ATP13A2: variants seen among roughly 807,000 people sequenced by gnomAD.
ATP13A2 encodes ATPase cation transporting 13A2.
In ATP13A2, 83 loss-of-function variants were observed where a neutral mutation model predicts 138.3. That is an observed-to-expected ratio of 0.60 (90% confidence interval 0.50 to 0.72). The LOEUF (loss-of-function observed/expected upper bound fraction) is 0.72, where lower values mean the gene tolerates loss of function less well. Among genes scored for constraint, ATP13A2 ranks in the 30% least tolerant of loss-of-function variants. The probability of loss-of-function intolerance (pLI) is 0.00; values close to 1 mark genes in which losing one functional copy is unlikely to be tolerated. For synonymous variants in ATP13A2, 663 were observed against 699.0 expected (o/e 0.95, Z 0.81); for missense variants, 1,402 against 1,606.4 (o/e 0.87, Z 2.17).
At position 16,990,236 on chromosome 1, in the gene ATP13A2, G is replaced by T. The variant is rs754083353; in HGVS notation, c.2303C>A (p.Ala768Asp). The change falls in exon 21 of 29, where the codon GCC becomes GAC. Residue 768 changes from alanine (A) to aspartate (D), a missense_variant. Ala to Asp is a moderately radical substitution (Grantham distance 126). Coordinates refer to ENST00000326735, the MANE Select transcript of ATP13A2 (RefSeq NM_022089.4). ...GACGATGATCAGATGCTCCTGGGGG[G>T]CCACCATGCCACAGCCCCGGGCCAC... ...VTVARGCGMV[A>D]PQEHLIIVHA... The T allele has an allele frequency of 3.7e-6, 6 of 1,613,882 alleles. No homozygotes were observed. The African/African-American group carries it at 5.3e-5, about 14-fold the overall frequency.
chr1:16,993,927 T>C (rs1266607468), intron 15 of ATP13A2, 92 bp from the exon 16 acceptor site: 4 of 1,115,850 alleles, frequency 3.6e-6, no homozygotes, highest in African/African-American at 3.2e-5. Context: ...CGGCGGACCC[T>C]ATGGGAACCC....
intron 11 of ATP13A2, among the ~76,000 whole-genome samples, chr1:16,999,353 CG>C (rs372923290): frequency 7.9e-6 from 1 of 126,236 alleles, no homozygotes; most frequent in African/African-American, 3.1e-5. Context: ...GTACTCCAGC[CG>C]GGGCAACAAG....
Position 17,011,785 on chromosome 1 carries a change from C to T in ATP13A2, c.-47G>A. On this transcript the variant is annotated 5_prime_UTR_variant, in exon 1 of 29. Transcript: ENST00000326735. This position sits in a 1 kb window ranked among gnomAD's most constrained non-coding sequence, Gnocchi z 7.3. ...CCGGCCCCGGCGCTGCGGCCCTCGG[C>T]CTGGGCCCCGGCGTGCGCAAGGCCC... is the stretch of plus-strand genomic sequence containing the variant. 1 of 1,384,462 alleles carries T rather than the reference C, an allele frequency of 7.2e-7. No homozygotes were observed. Among genetic ancestry groups the T allele is most frequent in the Non-Finnish European group, 9.4e-7 (1 of 1,067,388 alleles). 85.8% of individuals were successfully genotyped at this position (1,384,462 alleles called of 1,614,324 possible).
Position 17,005,548 on chromosome 1 carries a change from G to A in ATP13A2, c.114C>T (p.Ser38=), listed in dbSNP as rs368279466. The change falls in exon 3 of 29, where the codon AGC becomes AGT. Residue 38 remains serine (S), a synonymous_variant. Transcript: ENST00000326735. The part of the protein sequence containing the change: ...LSSSVSSVRL[S]GYCGSPWRVI... ...CCCTCCATGGACTGCCACAGTAGCC[G>A]CTGAGCCTCTGCGAACGCAGCGAGA... The A allele has an allele frequency of 1.6e-4, 255 of 1,614,232 alleles. 3 individuals are homozygous for A. The South Asian group carries it at 2.3e-3, about 15-fold the overall frequency.
Position 17,000,057 on chromosome 1 carries a change from G to A in ATP13A2, c.993C>T (p.Ala331=), listed in dbSNP as rs568367953. 1.5e-5 allele frequency: 25 copies of A among 1,613,044 alleles called. No homozygotes were observed. Among genetic ancestry groups the A allele is most frequent in the Admixed American group, 5.0e-5 (3 of 59,994 alleles). ...CCATGCACTCGCCGGCCACCAGGGCGGCATCACAGGGCATCAGCCCACCCT... is the reference window on the plus strand; with the variant it reads ...CCATGCACTCGCCGGCCACCAGGGCAGCATCACAGGGCATCAGCCCACCCT... ...PQEGGLMPCD[A]ALVAGECMVN... is the part of the protein sequence containing the mutation. The change falls in exon 11 of 29, where the codon GCC becomes GCT. Residue 331 remains alanine (A), a synonymous_variant. Transcript: ENST00000326735.
intron 20 of ATP13A2, 56 bp from the exon 21 acceptor site, chr1:16,990,343 T>G: frequency 6.2e-7 from 1 of 1,604,538 alleles, no homozygotes; most frequent in Non-Finnish European, 8.5e-7. Flanking sequence ...GCCATCCTCA[T>G]CCTGATCCTT....
chr1:17,003,666 CTTTTT>C (rs71006407), intron 6 of ATP13A2, among the ~76,000 whole-genome samples: 2 of 129,810 alleles, frequency 1.5e-5, no homozygotes, highest in Non-Finnish European at 3.2e-5. Flanking sequence ...GTTTCTTTTT[CTTTTT>C]TTTTTTTTTT....
intron 11 of ATP13A2, among the ~76,000 whole-genome samples, chr1:16,999,194 A>G (rs1407269521): frequency 1.3e-5 from 2 of 151,964 alleles, no homozygotes; most frequent in Admixed American, 6.6e-5. Context: ...CAGTCTGACC[A>G]ACGTGGTGAA....
Position 17,005,557 on chromosome 1 carries a change from C to T in ATP13A2, c.106-1G>A, listed in dbSNP as rs1355449222. ...GACTGCCACAGTAGCCGCTGAGCCT[C>T]TGCGAACGCAGCGAGAGAGGGCCCA... On this transcript the variant is annotated splice_acceptor_variant, in intron 2 of 28. Coordinates refer to ENST00000326735, the MANE Select transcript of ATP13A2 (RefSeq NM_022089.4). LOFTEE classifies it high-confidence loss of function. 1 of 1,614,124 alleles carries T rather than the reference C, an allele frequency of 6.2e-7. No homozygotes were observed. Among genetic ancestry groups the T allele is most frequent in the East Asian group, 2.2e-5 (1 of 44,880 alleles).
At chr1:17,000,194 G>GCCCCCCCCCCCCCCCCCCCCCC in intron 10 of ATP13A2, 52 bp from the exon 11 acceptor site, 3 of 1,570,252 alleles carry the variant, frequency 1.9e-6, no homozygotes, top group South Asian at 1.1e-5. Context: ...CCCCAGCCAT[G>GCCCCCCCCCCCCCCCCCCCCCC]CCCCCCCACC....
Position 16,995,692 on chromosome 1 carries a change from T to C in ATP13A2, c.1542+284A>G. On this transcript the variant is annotated intron_variant, in intron 15 of 28. Transcript: ENST00000326735. This position sits in a 1 kb window ranked among gnomAD's most constrained non-coding sequence, Gnocchi z 4.1. Reference sequence around the variant, plus strand: ...AACTCCTGACCTCAAGTGATGTATCTGCCTCAGCCTCCCAAAGTGCTGGGA... The same window carrying C: ...AACTCCTGACCTCAAGTGATGTATCCGCCTCAGCCTCCCAAAGTGCTGGGA... 1 of 489,496 alleles carries C rather than the reference T, an allele frequency of 2.0e-6. No homozygotes were observed. Among genetic ancestry groups the C allele is most frequent in the East Asian group, 4.1e-5 (1 of 24,660 alleles). The allele number at this position is 489,496 out of a possible 1,614,324, so 30.3% of individuals were successfully genotyped here.
chr1:16,996,884 G>T, intron 12 of ATP13A2, 136 bp downstream of exon 12: 1 of 1,142,946 alleles, frequency 8.7e-7, no homozygotes, highest in Non-Finnish European at 1.3e-6. Context: ...GGGGCAACTG[G>T]CCCGAGGTCC....
chr1:17,004,625 G>A lies in ATP13A2; in HGVS notation c.477+67C>T. ...AAGGTGGTGGGAGAACATGAAGTCT[G>A]ACTCTCCCATTGCACAGATCATGAA... is the stretch of plus-strand genomic sequence containing the variant. On this transcript the variant is annotated intron_variant, in intron 5 of 28. Coordinates refer to ENST00000326735, the MANE Select transcript of ATP13A2 (RefSeq NM_022089.4). The surrounding 1 kb of genome is among the most constrained non-coding windows in gnomAD (Gnocchi z 4.1). 1.9e-6 allele frequency: 3 copies of A among 1,612,778 alleles called. No homozygotes were observed. Among genetic ancestry groups the A allele is most frequent in the Non-Finnish European group, 1.7e-6 (2 of 1,179,204 alleles).
Position 16,987,183 on chromosome 1 carries a change from C to A in ATP13A2, c.2946G>T (p.Gly982=). 6.2e-7 allele frequency: 1 copy of A among 1,613,634 alleles called. No individual in the cohort carries two copies. The change falls in exon 26 of 29, where the codon GGG becomes GGT. Residue 982 remains glycine (G), a synonymous_variant. Coordinates refer to ENST00000326735, the MANE Select transcript of ATP13A2 (RefSeq NM_022089.4). ...GCACCCGTCCCAGGACCAGCGCTGGCCCCGTGCGGCTCATGAGCACTGCCA... is the reference window on the plus strand; with the variant it reads ...GCACCCGTCCCAGGACCAGCGCTGGACCCGTGCGGCTCATGAGCACTGCCA... ...TTVAVLMSRT[G]PALVLGRVRP...
intron 13 of ATP13A2, 33 bp downstream of exon 13, chr1:16,996,353 T>A (rs755733526): frequency 6.2e-6 from 10 of 1,613,096 alleles, no homozygotes; most frequent in Non-Finnish European, 7.6e-6. Flanking sequence ...TGGGGGGGGC[T>A]ATGGGCAGAG....
chr1:17,005,763 A>C lies in ATP13A2; in HGVS notation c.26T>G (p.Val9Gly). The change falls in exon 2 of 29, where the codon GTG becomes GGG. Residue 9 changes from valine to glycine, a missense_variant. Val to Gly is a moderately radical substitution (Grantham distance 109, BLOSUM62 -3). Coordinates refer to ENST00000326735, the MANE Select transcript of ATP13A2 (RefSeq NM_022089.4). MSADSSPL[V>G]GSTPTGYGTL... ...CCCATAACCGGTGGGCGTGCTGCCC[A>C]CGAGAGGGCTGCTGTCTGTGGACAG... 6.2e-7 allele frequency: 1 copy of C among 1,611,692 alleles called. No individual in the cohort carries two copies. Among genetic ancestry groups the C allele is most frequent in the Non-Finnish European group, 8.5e-7 (1 of 1,178,970 alleles).
chr1:16,992,171 G>A (rs750504536), intron 18 of ATP13A2, 42 bp from the exon 19 acceptor site: 5 of 1,611,558 alleles, frequency 3.1e-6, no homozygotes, highest in South Asian at 2.2e-5. Flanking sequence ...GGATGGCAGG[G>A]ACAGAGGCTG....
chr1:16,986,833 C>T lies in ATP13A2; in HGVS notation c.3207G>A (p.Ala1069=), dbSNP rs137877665. ...LILAAAVSKG[A]PFRRPLYTNV... ...TGGTGTAGAGCGGCCGGCGGAAGGG[C>T]GCCCCCTTGGACACGGCTGCAGCCA... Residue 1069 remains alanine (A), a synonymous_variant, in exon 27 of 29, where the codon GCG becomes GCA. Coordinates refer to ENST00000326735, the MANE Select transcript of ATP13A2 (RefSeq NM_022089.4). This position sits in a 1 kb window ranked among gnomAD's most constrained non-coding sequence, Gnocchi z 6.9. 96 of 1,613,222 alleles carry T rather than the reference C, an allele frequency of 6.0e-5. No homozygotes were observed. The African/African-American group carries it at 9.9e-4, about 17-fold the overall frequency.
At position 16,995,842 on chromosome 1, in the gene ATP13A2, T is replaced by C. The variant is rs1303688240; in HGVS notation, c.1542+134A>G. 4 of 1,089,906 alleles carry C rather than the reference T, an allele frequency of 3.7e-6. No individual in the cohort carries two copies. Among genetic ancestry groups the C allele is most frequent in the Non-Finnish European group, 4.1e-6 (3 of 737,348 alleles). 67.5% of individuals were successfully genotyped at this position (1,089,906 alleles called of 1,614,324 possible). ...GGCAGGAGTGGGATGGGGTGGATCC[T>C]CTGGGGGTTTCCATCCCTAGACAGG... is the stretch of plus-strand genomic sequence containing the variant. On this transcript the variant is annotated intron_variant, in intron 15 of 28. Coordinates refer to ENST00000326735, the MANE Select transcript of ATP13A2 (RefSeq NM_022089.4). The surrounding 1 kb of genome is among the most constrained non-coding windows in gnomAD (Gnocchi z 4.1).
Sources: allele counts gnomAD v4.1 joint callset (sites outside exome capture counted in the v4.1 genomes callset), GRCh38; gene constraint gnomAD v4.1.1; non-coding constraint Gnocchi (gnomAD v3.1); transcripts MANE v1.5; gene names NCBI Gene and HGNC (gene_info 2026-07-23, HGNC 2026-07-21).